AKAP6: variants seen among roughly 807,000 people sequenced by gnomAD.
AKAP6 encodes A-kinase anchor protein 6.
In AKAP6, 58 loss-of-function variants were observed where a neutral mutation model predicts 188.5. The ratio of observed to expected loss-of-function variants is 0.31; its 90% CI spans 0.25 to 0.38. The LOEUF is 0.38. AKAP6 is among the 10% of genes least tolerant of loss of function. AKAP6 has a pLI of 1.00. For synonymous variants in AKAP6, 989 were observed against 998.6 expected (o/e 0.99, Z 0.18); for missense variants, 2,710 against 2,740.0 (o/e 0.99, Z 0.24).
chr14:32,574,685 C>A (rs1884643850), intron 4 of AKAP6, among the ~76,000 whole-genome samples: 1 of 152,092 alleles, frequency 6.6e-6, no homozygotes, highest in Admixed American at 6.6e-5. Context: ...AATTTTCTCC[C>A]CAAACCAATT....
At chr14:32,640,615 A>G (rs962724155) in intron 7 of AKAP6, among the ~76,000 whole-genome samples, 1 of 152,182 alleles carries the variant, frequency 6.6e-6, no homozygotes, top group African/African-American at 2.4e-5. Context: ...CATGCCTCAC[A>G]TTGTAAATAG....
chr14:32,606,628 A>G (rs10483416), intron 7 of AKAP6, among the ~76,000 whole-genome samples: 32,407 of 152,070 alleles, frequency 0.21, 3,677 homozygotes, highest in Admixed American at 0.28. Context: ...TACAGCTACT[A>G]CGAGGATGAC....
intron 2 of AKAP6, among the ~76,000 whole-genome samples, chr14:32,521,835 CTACTT>C (rs1188675317): frequency 1.3e-5 from 2 of 152,172 alleles, no homozygotes; most frequent in Non-Finnish European, 2.9e-5. Flanking sequence ...TGGAAAAAAA[CTACTT>C]TAAAGTTCAT....
At chr14:32,786,299 T>TTTTTTTTTTTTG (rs2033408133) in intron 12 of AKAP6, among the ~76,000 whole-genome samples, 8 of 40,954 alleles carry the variant, frequency 2.0e-4, no homozygotes, top group Admixed American at 3.1e-4. Context: ...AACCTTTATC[T>TTTTTTTTTTTTG]TTTTTTTTTT....
At chr14:32,707,161 C>T (rs558178462) in intron 9 of AKAP6, among the ~76,000 whole-genome samples, 40 of 150,516 alleles carry the variant, frequency 2.7e-4, no homozygotes, top group African/African-American at 8.2e-4. Flanking sequence ...CATATATACA[C>T]GTATACAAAG....
At chr14:32,563,660 C>T (rs1234664039) in intron 4 of AKAP6, among the ~76,000 whole-genome samples, 1 of 152,132 alleles carries the variant, frequency 6.6e-6, no homozygotes, top group Admixed American at 6.5e-5. Context: ...GCTCTTCGCC[C>T]TTCGTGGGAC....
intron 4 of AKAP6, among the ~76,000 whole-genome samples, chr14:32,548,526 T>C (rs1415095811): frequency 7.0e-6 from 1 of 141,950 alleles, no homozygotes; most frequent in African/African-American, 2.7e-5. Flanking sequence ...TTTCTCAAGC[T>C]AAAATAGATA....
chr14:32,822,411 C>T lies in AKAP6; in HGVS notation c.4598C>T (p.Ser1533Phe). The change falls in exon 13 of 14, where the codon TCT becomes TTT. Residue 1533 changes from serine to phenylalanine, a missense_variant. By Grantham distance (155) the Ser-to-Phe change is radical. Around this residue, in one of 2 missense-constraint regions of AKAP6, gnomAD observed 2,473 missense variants for 2,426.1 expected, o/e 1.02. Transcript: ENST00000280979. ...PPHERILASA[S>F]HEMDRISYKS... Reference sequence around the variant, plus strand: ...CATGAAAGGATTTTGGCAAGTGCATCTCATGAAATGGATCGCATTTCATAT... The same window carrying T: ...CATGAAAGGATTTTGGCAAGTGCATTTCATGAAATGGATCGCATTTCATAT... 6.2e-7 allele frequency: 1 copy of T among 1,613,992 alleles called. No homozygotes were observed. Among genetic ancestry groups the T allele is most frequent in the Non-Finnish European group, 8.5e-7 (1 of 1,179,932 alleles).
chr14:32,570,022 C>T (rs1025473291), intron 4 of AKAP6, among the ~76,000 whole-genome samples: 3 of 151,956 alleles, frequency 2.0e-5, no homozygotes, highest in African/African-American at 7.3e-5. Context: ...ATGCTGCCCC[C>T]GTCATGCTGT....
At chr14:32,657,439 C>A (rs1378228997) in intron 7 of AKAP6, among the ~76,000 whole-genome samples, 2 of 152,120 alleles carry the variant, frequency 1.3e-5, no homozygotes, top group African/African-American at 4.8e-5. Context: ...AGCTCTTTTT[C>A]TCTCATTACA....
intron 12 of AKAP6, among the ~76,000 whole-genome samples, chr14:32,790,857 G>A (rs60425406): frequency 0.2 from 30,591 of 152,016 alleles, 3,449 homozygotes; most frequent in East Asian, 0.36. Context: ...TTGTGAGTGA[G>A]AACATGTGGT....
chr14:32,830,057 T>C lies in AKAP6; in HGVS notation c.*252T>C, dbSNP rs2034789449. On this transcript the variant is annotated 3_prime_UTR_variant, in exon 14 of 14. Coordinates refer to ENST00000280979, the MANE Select transcript of AKAP6 (RefSeq NM_004274.5). ...GTCTTTGAAGTTCAGCAAAGCTGCT[T>C]GTTCTCCCATGGATTCCTGTCCCAA... The C allele has an allele frequency of 2.9e-6, 2 of 679,778 alleles. No individual in the cohort carries two copies. Among genetic ancestry groups the C allele is most frequent in the African/African-American group, 1.8e-5 (1 of 56,146 alleles). The allele number at this position is 679,778 out of a possible 1,614,324, so 42.1% of individuals were successfully genotyped here.
chr14:32,654,155 A>G (rs1888348609), intron 7 of AKAP6, among the ~76,000 whole-genome samples: 1 of 152,142 alleles, frequency 6.6e-6, no homozygotes, highest in African/African-American at 2.4e-5. Context: ...TCTGCTGTGT[A>G]ATTTTCTCTT....
chr14:32,682,928 G>C (rs1168513326), intron 8 of AKAP6, among the ~76,000 whole-genome samples: 1 of 152,006 alleles, frequency 6.6e-6, no homozygotes, highest in Non-Finnish European at 1.5e-5. Context: ...AGAAAGTCTA[G>C]GGGTGGAGAC....
At chr14:32,704,803 C>A (rs905120796) in intron 9 of AKAP6, among the ~76,000 whole-genome samples, 4 of 151,978 alleles carry the variant, frequency 2.6e-5, no homozygotes, top group Non-Finnish European at 4.4e-5. Context: ...ATCAGGAAGG[C>A]ATTGGTTATC....
chr14:32,734,988 G>A (rs2031346729), intron 10 of AKAP6, among the ~76,000 whole-genome samples: 1 of 152,150 alleles, frequency 6.6e-6, no homozygotes, highest in African/African-American at 2.4e-5. Context: ...GGCTTCTAGT[G>A]TAGTGAATTG....
At chr14:32,472,076 G>A (rs1215645197) in intron 2 of AKAP6, among the ~76,000 whole-genome samples, 3 of 152,200 alleles carry the variant, frequency 2.0e-5, no homozygotes, top group African/African-American at 2.4e-5. Flanking sequence ...CATGCTGGAG[G>A]TTTATTGGGG....
At chr14:32,646,834 A>G (rs1409554387) in intron 7 of AKAP6, among the ~76,000 whole-genome samples, 2 of 152,130 alleles carry the variant, frequency 1.3e-5, no homozygotes, top group East Asian at 3.9e-4. Flanking sequence ...AAAAAGGGAA[A>G]AGGAGTACAG....
chr14:32,642,112 T>C (rs893636743), intron 7 of AKAP6, among the ~76,000 whole-genome samples: 4 of 152,188 alleles, frequency 2.6e-5, no homozygotes, highest in Non-Finnish European at 4.4e-5. Context: ...AGCATATCAG[T>C]ATTATTTTAT....
Sources: gnomAD v4.1 joint callset for allele counts (sites outside exome capture counted in the v4.1 genomes callset) on GRCh38, gnomAD v4.1.1 for gene constraint, gnomAD v4.1.1 regional missense constraint, MANE v1.5 for transcripts, NCBI Gene and HGNC (gene_info 2026-07-23, HGNC 2026-07-21) for gene names.